The following ANO2 variants were observed in gnomAD, a reference collection of about 807,000 sequenced individuals.
ANO2 encodes anoctamin 2.
Under a neutral mutation model 124.2 loss-of-function variants are expected in ANO2, and 101 were observed. That is an observed-to-expected ratio of 0.81 (90% CI 0.69 to 0.96). ANO2 has a LOEUF of 0.96. Ranked by LOEUF, ANO2 falls within the 40% of genes least tolerant of loss-of-function variation. ANO2 has a pLI of 0.00. For synonymous variants in ANO2, 486 were observed against 482.5 expected (o/e 1.01, Z -0.09); for missense variants, 1,293 against 1,274.5 (o/e 1.01, Z -0.22).
At chr12:5,812,339 G>A (rs1290700352) in intron 7 of ANO2, among the ~76,000 whole-genome samples, 2 of 135,572 alleles carry the variant, frequency 1.5e-5, no homozygotes, top group African/African-American at 5.6e-5. Flanking sequence ...GAGGGAAGGA[G>A]GGAGGAAGGA....
intron 14 of ANO2, among the ~76,000 whole-genome samples, chr12:5,678,627 G>C (rs79719991): frequency 2.3e-3 from 347 of 152,342 alleles, no homozygotes; most frequent in Admixed American, 3.5e-3. Flanking sequence ...CGTGGAATTA[G>C]AAGGGCTTGC....
At chr12:5,613,300 T>C (rs1944638808) in intron 17 of ANO2, among the ~76,000 whole-genome samples, 1 of 152,132 alleles carries the variant, frequency 6.6e-6, no homozygotes, top group African/African-American at 2.4e-5. Context: ...CACACCTTCT[T>C]CCCTAGCTGG....
At chr12:5,774,968 A>G (rs1952184497) in intron 10 of ANO2, among the ~76,000 whole-genome samples, 1 of 152,350 alleles carries the variant, frequency 6.6e-6, no homozygotes, top group East Asian at 1.9e-4. Flanking sequence ...ACATTTATTG[A>G]GCACCTACAC....
chr12:5,701,913 C>T (rs1460921177), intron 14 of ANO2, among the ~76,000 whole-genome samples: 1 of 152,178 alleles, frequency 6.6e-6, no homozygotes, highest in African/African-American at 2.4e-5. Flanking sequence ...CACCCAAATA[C>T]AACAGCAGCT....
chr12:5,761,150 A>G (rs1951733057), intron 10 of ANO2, among the ~76,000 whole-genome samples: 1 of 152,090 alleles, frequency 6.6e-6, no homozygotes, highest in Non-Finnish European at 1.5e-5. Flanking sequence ...ATAAGCAAAT[A>G]CTCATCCAAA....
At chr12:5,741,718 C>G (rs1254988968) in intron 12 of ANO2, among the ~76,000 whole-genome samples, 1 of 152,230 alleles carries the variant, frequency 6.6e-6, no homozygotes, top group Non-Finnish European at 1.5e-5. Flanking sequence ...GCTACATGCT[C>G]TGCATGCACA....
chr12:5,685,376 G>A (rs1242224148), intron 14 of ANO2, among the ~76,000 whole-genome samples: 1 of 152,126 alleles, frequency 6.6e-6, no homozygotes, highest in Non-Finnish European at 1.5e-5. Flanking sequence ...GGATGGGAGG[G>A]GCAAGGTCCC....
chr12:5,890,117 G>A (rs1052555380), intron 3 of ANO2, among the ~76,000 whole-genome samples: 11 of 151,872 alleles, frequency 7.2e-5, no homozygotes, highest in African/African-American at 2.7e-4. Flanking sequence ...TAATTCCCAC[G>A]AGTATTGAGC....
chr12:5,689,482 C>A (rs114639733), intron 14 of ANO2, among the ~76,000 whole-genome samples: 181 of 152,156 alleles, frequency 1.2e-3, no homozygotes, highest in African/African-American at 4.3e-3. Flanking sequence ...GTGGGCCTGG[C>A]CTCTCAGCTC....
At chr12:5,825,866 C>T (rs181215834) in intron 7 of ANO2, among the ~76,000 whole-genome samples, 1 of 152,324 alleles carries the variant, frequency 6.6e-6, no homozygotes, top group Admixed American at 6.5e-5. Context: ...GTTTGGGTCA[C>T]TCCACCAGGA....
At chr12:5,817,444 C>T (rs1591651650) in intron 7 of ANO2, among the ~76,000 whole-genome samples, 1 of 152,170 alleles carries the variant, frequency 6.6e-6, no homozygotes, top group East Asian at 1.9e-4. Flanking sequence ...TAGAAGATGA[C>T]TCAGAAATAT....
intron 16 of ANO2, among the ~76,000 whole-genome samples, 155 bp downstream of exon 16, chr12:5,634,997 A>T (rs1209312945): frequency 6.6e-6 from 1 of 152,176 alleles, no homozygotes; most frequent in Non-Finnish European, 1.5e-5. Context: ...AGCCCTACAA[A>T]TACACACACG....
At chr12:5,677,904 A>T (rs3782622) in intron 14 of ANO2, among the ~76,000 whole-genome samples, 76,361 of 151,998 alleles carry the variant, frequency 0.5, 21,164 homozygotes, top group Middle Eastern at 0.62. Context: ...TTAGCATCTT[A>T]GAAAGGGACG....
At chr12:5,583,326 T>A (rs1942861698) in intron 20 of ANO2, among the ~76,000 whole-genome samples, 1 of 151,952 alleles carries the variant, frequency 6.6e-6, no homozygotes, top group Non-Finnish European at 1.5e-5. Context: ...GTTAGGAGAG[T>A]CCAATTCTAA....
At chr12:5,840,706 G>A (rs1954487074) in intron 4 of ANO2, among the ~76,000 whole-genome samples, 1 of 152,170 alleles carries the variant, frequency 6.6e-6, no homozygotes, top group Non-Finnish European at 1.5e-5. Flanking sequence ...GGTCACCCAG[G>A]AGGAATGCAG....
intron 19 of ANO2, among the ~76,000 whole-genome samples, chr12:5,602,088 A>T (rs947904692): frequency 6.6e-6 from 1 of 152,238 alleles, no homozygotes; most frequent in Non-Finnish European, 1.5e-5. Context: ...AGGGGCAAGA[A>T]GTTTATTCTG....
chr12:5,868,856 G>T (rs1271553433), intron 3 of ANO2, among the ~76,000 whole-genome samples: 1 of 139,412 alleles, frequency 7.2e-6, no homozygotes, highest in Non-Finnish European at 1.5e-5. Context: ...GGGCGGCTCT[G>T]CAAACAGCAC....
chr12:5,603,312 A>C (rs4930739), intron 19 of ANO2, among the ~76,000 whole-genome samples: 1 of 152,096 alleles, frequency 6.6e-6, no homozygotes, highest in African/African-American at 2.4e-5. Flanking sequence ...ATAACGACCA[A>C]TAAAACAAGA....
chr12:5,583,102 G>C (rs1297977872), intron 20 of ANO2, among the ~76,000 whole-genome samples: 1 of 152,174 alleles, frequency 6.6e-6, no homozygotes, highest in Non-Finnish European at 1.5e-5. Flanking sequence ...GATGCTCAAA[G>C]ATTATCTGTT....
Sources: gnomAD v4.1 joint callset for allele counts (sites outside exome capture counted in the v4.1 genomes callset) on GRCh38, gnomAD v4.1.1 for gene constraint, MANE v1.5 for transcripts, NCBI Gene and HGNC (gene_info 2026-07-23, HGNC 2026-07-21) for gene names.